TRIM9: variants seen among roughly 807,000 people sequenced by gnomAD.
The protein encoded by TRIM9 is tripartite motif containing 9.
Under a neutral mutation model 78.3 loss-of-function variants are expected in TRIM9, and 26 were observed. The observed-to-expected ratio is 0.33, with a 90% CI of 0.24 to 0.46. The LOEUF is 0.46. TRIM9 is among the 20% of genes least tolerant of loss of function. The pLI is 1.00. For missense variants in TRIM9, 787 were observed against 1,036.4 expected (o/e 0.76, Z 3.30); for synonymous variants, 398 against 416.5 (o/e 0.96, Z 0.54).
At chr14:51,037,256 C>T (rs913935551) in intron 1 of TRIM9, among the ~76,000 whole-genome samples, 22 of 151,974 alleles carry the variant, frequency 1.4e-4, no homozygotes, top group Admixed American at 7.9e-4. Context: ...ATACAGAGAG[C>T]CACTTTATAC....
chr14:51,076,996 G>A (rs1339615845), intron 1 of TRIM9, among the ~76,000 whole-genome samples: 1 of 152,162 alleles, frequency 6.6e-6, no homozygotes, highest in Non-Finnish European at 1.5e-5. Context: ...TAGTCCTCTG[G>A]CTCCAACTCT....
chr14:51,021,183 G>T (rs142664807), intron 3 of TRIM9, among the ~76,000 whole-genome samples: 8 of 152,308 alleles, frequency 5.3e-5, no homozygotes, highest in Admixed American at 3.9e-4. Context: ...TTTTAGCAAT[G>T]TTAGGCCAGG....
chr14:51,071,368 C>T (rs144407537), intron 1 of TRIM9, among the ~76,000 whole-genome samples: 473 of 119,892 alleles, frequency 3.9e-3, no homozygotes, highest in Admixed American at 7.9e-3. Context: ...AAGAGTGAAA[C>T]TCCGTCTAAA....
chr14:51,012,392 G>A (rs2056686021), intron 3 of TRIM9, among the ~76,000 whole-genome samples: 1 of 152,160 alleles, frequency 6.6e-6, no homozygotes, highest in African/African-American at 2.4e-5. Flanking sequence ...CAACCATGTT[G>A]TAGCATGTGT....
chr14:51,079,470 A>T (rs528502481), intron 1 of TRIM9, among the ~76,000 whole-genome samples: 1 of 150,232 alleles, frequency 6.7e-6, no homozygotes, highest in Admixed American at 6.7e-5. Flanking sequence ...CTGTGTTTAC[A>T]TATAGTTTAA....
chr14:51,077,201 G>T (rs2062858712), intron 1 of TRIM9, among the ~76,000 whole-genome samples: 1 of 152,126 alleles, frequency 6.6e-6, no homozygotes, highest in Non-Finnish European at 1.5e-5. Flanking sequence ...GCACTGATTT[G>T]TCTACAGTGT....
intron 3 of TRIM9, 54 bp from the exon 4 acceptor site, chr14:51,010,548 G>T: frequency 1.5e-6 from 2 of 1,300,400 alleles, no homozygotes; most frequent in Non-Finnish European, 1.1e-6. Flanking sequence ...GGGTAGAAGA[G>T]AAGCAAACTG....
At chr14:50,984,481 C>T (rs1664074376) in intron 8 of TRIM9, among the ~76,000 whole-genome samples, 1 of 152,162 alleles carries the variant, frequency 6.6e-6, no homozygotes, top group South Asian at 2.1e-4. Context: ...CATCTCATGG[C>T]TGATTTTTAT....
In TRIM9 at chr14:50,976,712, C is replaced by T. The variant is rs554041630; in HGVS notation, c.*579G>A. On this transcript the variant is annotated 3_prime_UTR_variant, in exon 13 of 13. Transcript: ENST00000684578. ...CTGTGTAGCGGATATTTTTGTGCTT[C>T]AATGAGTAGTAAAACTTCTCAGTGA... The T allele has an allele frequency of 6.5e-6, 1 of 152,740 alleles. No homozygotes were observed. The highest frequency in any genetic ancestry group is 2.4e-5 in the African/African-American group (1 of 41,540). The allele number at this position is 152,740 out of a possible 1,614,324, so 9.5% of individuals were successfully genotyped here.
chr14:51,086,826 G>A (rs1378400952), intron 1 of TRIM9, among the ~76,000 whole-genome samples: 2 of 152,120 alleles, frequency 1.3e-5, no homozygotes, highest in African/African-American at 2.4e-5. Flanking sequence ...TTGAAACCAC[G>A]GAGTGGATGA....
chr14:51,002,056 C>A (rs921658976), intron 5 of TRIM9, among the ~76,000 whole-genome samples: 1 of 152,166 alleles, frequency 6.6e-6, no homozygotes, highest in Admixed American at 6.5e-5. Context: ...ACTGAATAAT[C>A]CCAGTTCTTC....
chr14:51,022,320 T>C (rs1287757261), intron 3 of TRIM9, among the ~76,000 whole-genome samples: 1 of 152,192 alleles, frequency 6.6e-6, no homozygotes, highest in African/African-American at 2.4e-5. Flanking sequence ...AGTTTGGCTC[T>C]TATCCTCTCA....
intron 1 of TRIM9, among the ~76,000 whole-genome samples, chr14:51,060,210 C>G (rs2061231956): frequency 6.6e-6 from 1 of 152,134 alleles, no homozygotes; most frequent in African/African-American, 2.4e-5. Context: ...TGGTGAGAAT[C>G]TCAACATTCT....
intron 1 of TRIM9, among the ~76,000 whole-genome samples, chr14:51,045,682 G>A (rs1218606214): frequency 6.6e-6 from 1 of 152,188 alleles, no homozygotes; most frequent in Non-Finnish European, 1.5e-5. Flanking sequence ...TGAGAGGGCA[G>A]ATCTAGTAAT....
chr14:51,047,356 AT>A (rs1469046771), intron 1 of TRIM9, among the ~76,000 whole-genome samples: 2 of 152,148 alleles, frequency 1.3e-5, no homozygotes, highest in Non-Finnish European at 2.9e-5. Flanking sequence ...CACGGCATTC[AT>A]TTCATCATGG....
chr14:50,979,055 A>G (rs2051448225), intron 12 of TRIM9: 1 of 1,313,182 alleles, frequency 7.6e-7, no homozygotes, highest in Admixed American at 3.5e-5. Context: ...AAGTCATTCT[A>G]TTTGTTTTCA....
intron 5 of TRIM9, among the ~76,000 whole-genome samples, chr14:51,002,288 A>ATT (rs71121618): frequency 0.33 from 48,049 of 147,164 alleles, 8,559 homozygotes; most frequent in South Asian, 0.55. Flanking sequence ...CGGCTGGCTG[A>ATT]TTTTTTTTTT....
At chr14:51,049,598 G>C (rs1161047853) in intron 1 of TRIM9, among the ~76,000 whole-genome samples, 1 of 152,046 alleles carries the variant, frequency 6.6e-6, no homozygotes, top group African/African-American at 2.4e-5. Context: ...GAGGCCGAGA[G>C]GGGTGGATCA....
intron 3 of TRIM9, among the ~76,000 whole-genome samples, chr14:51,015,578 C>T (rs901306004): frequency 5.4e-5 from 7 of 130,366 alleles, no homozygotes; most frequent in African/African-American, 1.5e-4. Flanking sequence ...TGGTGGCACA[C>T]TCACAGTTTA....
Sources: allele counts gnomAD v4.1 joint callset (sites outside exome capture counted in the v4.1 genomes callset), GRCh38; gene constraint gnomAD v4.1.1; transcripts MANE v1.5; gene names NCBI Gene and HGNC (gene_info 2026-07-23, HGNC 2026-07-21).